The following PDE6D variants were observed in gnomAD, a reference collection of about 807,000 sequenced individuals.
PDE6D encodes the protein retinal rod rhodopsin-sensitive cGMP 3',5'-cyclic phosphodiesterase subunit delta.
In PDE6D, 10 loss-of-function variants were observed where a neutral mutation model predicts 21.9. The observed-to-expected ratio is 0.46, with a 90% confidence interval of 0.28 to 0.78. The LOEUF (loss-of-function observed/expected upper bound fraction) is 0.78, where lower values mean the gene tolerates loss of function less well. Ranked by LOEUF, PDE6D falls within the 30% of genes least tolerant of loss-of-function variation. The pLI is 0.12. For synonymous variants in PDE6D, 59 were observed against 63.5 expected (o/e 0.93, Z 0.34); for missense variants, 139 against 184.8 (o/e 0.75, Z 1.44).
chr2:231,762,501 T>C (rs2106279888), intron 1 of PDE6D, among the ~76,000 whole-genome samples: 1 of 152,104 alleles, frequency 6.6e-6, no homozygotes, highest in South Asian at 2.1e-4. Flanking sequence ...GGCACCACCA[T>C]GCCCAGCTAA....
At chr2:231,767,468 A>T (rs1433679450) in intron 1 of PDE6D, among the ~76,000 whole-genome samples, 2 of 151,946 alleles carry the variant, frequency 1.3e-5, no homozygotes, top group Non-Finnish European at 2.9e-5. Context: ...GGCGCCCGCC[A>T]CCACGCCTGG....
intron 1 of PDE6D, among the ~76,000 whole-genome samples, chr2:231,760,227 G>A (rs941508234): frequency 6.6e-6 from 1 of 152,152 alleles, no homozygotes; most frequent in African/African-American, 2.4e-5. Context: ...GAATTCTGTT[G>A]TCACATGATT....
At chr2:231,764,126 A>G (rs1478945373) in intron 1 of PDE6D, among the ~76,000 whole-genome samples, 3 of 152,160 alleles carry the variant, frequency 2.0e-5, no homozygotes, top group Non-Finnish European at 4.4e-5. Context: ...TGAGTGTTCA[A>G]TAAAAAATCT....
At chr2:231,737,014 G>A (rs1469404806) in intron 4 of PDE6D, among the ~76,000 whole-genome samples, 173 bp downstream of exon 4, 1 of 151,878 alleles carries the variant, frequency 6.6e-6, no homozygotes, top group Non-Finnish European at 1.5e-5. Flanking sequence ...CTATCATACT[G>A]TCTTTTTCAT....
intron 1 of PDE6D, among the ~76,000 whole-genome samples, chr2:231,767,310 G>A (rs1037101253): frequency 6.6e-6 from 1 of 152,040 alleles, no homozygotes; most frequent in Non-Finnish European, 1.5e-5. Flanking sequence ...CCATCAAACA[G>A]CATGCATTAT....
intron 1 of PDE6D, among the ~76,000 whole-genome samples, chr2:231,750,479 C>T (rs1293232537): frequency 7.3e-6 from 1 of 136,656 alleles, no homozygotes; most frequent in African/African-American, 2.6e-5. Context: ...TCATCCATAT[C>T]ACTTTTTTTT....
intron 1 of PDE6D, among the ~76,000 whole-genome samples, chr2:231,772,463 G>C (rs2049023075): frequency 6.6e-6 from 1 of 152,186 alleles, no homozygotes; most frequent in Admixed American, 6.5e-5. Context: ...AAGCAAAAAA[G>C]AATGCTGCTC....
At chr2:231,779,506 A>T (rs1316174279) in intron 1 of PDE6D, 3 of 152,250 alleles carry the variant, frequency 2.0e-5, no homozygotes, top group Non-Finnish European at 4.4e-5. Flanking sequence ...ACTGTCTACA[A>T]AGCATGTTAA....
intron 1 of PDE6D, among the ~76,000 whole-genome samples, chr2:231,778,426 T>C (rs762534311): frequency 2.0e-5 from 3 of 152,116 alleles, no homozygotes; most frequent in Middle Eastern, 3.4e-3. Flanking sequence ...AAATAAACAA[T>C]AGTAAAATGG....
rs1423970805 is a variant in PDE6D, at chr2:231,773,995, G to A, written c.50+7070C>T. ...GTTACCCAGGCTGGAGTGCACTGGC[G>A]TGATCTCGGCTCACTGCAACCTCCA... On this transcript the variant is annotated intron_variant, in intron 1 of 4. Coordinates refer to ENST00000287600, the MANE Select transcript of PDE6D (RefSeq NM_002601.4). Among the ~76,000 whole-genome samples, 8 of 152,148 alleles carry A rather than the reference G, an allele frequency of 5.3e-5. No individual in the cohort carries two copies. In the East Asian group the frequency reaches 7.7e-4, roughly 15 times the overall value.
At chr2:231,746,148 T>C (rs2048792077) in intron 1 of PDE6D, among the ~76,000 whole-genome samples, 1 of 152,160 alleles carries the variant, frequency 6.6e-6, no homozygotes, top group Non-Finnish European at 1.5e-5. Flanking sequence ...TATTTTACTT[T>C]ATTTTATTTT....
chr2:231,763,797 G>T, intron 1 of PDE6D, among the ~76,000 whole-genome samples: 1 of 151,370 alleles, frequency 6.6e-6, no homozygotes, highest in Non-Finnish European at 1.5e-5. Context: ...CACCATGCCT[G>T]GATAATTTTT....
At chr2:231,738,919 C>CAAAAAAAA (rs1157734125) in intron 2 of PDE6D, among the ~76,000 whole-genome samples, 181 bp downstream of exon 2, 1 of 62,644 alleles carries the variant, frequency 1.6e-5, no homozygotes, top group African/African-American at 7.2e-5. Context: ...GACTGTGTCT[C>CAAAAAAAA]AAAAAAAAAA....
At chr2:231,763,031 G>A (rs565893492) in intron 1 of PDE6D, among the ~76,000 whole-genome samples, 1 of 152,152 alleles carries the variant, frequency 6.6e-6, no homozygotes, top group Non-Finnish European at 1.5e-5. Flanking sequence ...GGTTCTAAGA[G>A]CAGTTGTTAA....
At chr2:231,752,444 G>C (rs137880941) in intron 1 of PDE6D, among the ~76,000 whole-genome samples, 1 of 152,296 alleles carries the variant, frequency 6.6e-6, no homozygotes, top group Non-Finnish European at 1.5e-5. Context: ...CACGATATAA[G>C]CAAGTGTAGG....
chr2:231,750,953 A>G lies in PDE6D; in HGVS notation c.51-11765T>C, dbSNP rs149973604. Among the ~76,000 whole-genome samples, 791 of 152,198 alleles carry G rather than the reference A, an allele frequency of 5.2e-3. 6 individuals carry two copies. The highest frequency in any genetic ancestry group is 0.018 in the African/African-American group (755 of 41,542). ...AATAACTTATTCACTCATCTCCTTC[A>G]AAATAGCTCATATGCAAGTTGACAC... On this transcript the variant is annotated intron_variant, in intron 1 of 4. Coordinates refer to ENST00000287600, the MANE Select transcript of PDE6D (RefSeq NM_002601.4).
intron 1 of PDE6D, among the ~76,000 whole-genome samples, chr2:231,757,071 A>G (rs1392391517): frequency 6.6e-6 from 1 of 150,448 alleles, no homozygotes. Flanking sequence ...TGATCCTCCC[A>G]CCTCAGCCTC....
chr2:231,737,940 G>C, intron 3 of PDE6D, 73 bp downstream of exon 3: 2 of 1,414,492 alleles, frequency 1.4e-6, no homozygotes, highest in Admixed American at 4.2e-5. Context: ...CACTGCTTTA[G>C]TTCACTGGGT....
chr2:231,770,954 A>C lies in PDE6D; in HGVS notation c.50+10111T>G, dbSNP rs553688170. ...GGTGACAAGAGTGAGACTTCATTTC[A>C]AAAAAAAAAAAACCCACAAAAATTA... On this transcript the variant is annotated intron_variant, in intron 1 of 4. Coordinates refer to ENST00000287600, the MANE Select transcript of PDE6D (RefSeq NM_002601.4). 4.7e-4 allele frequency among the ~76,000 whole-genome samples: 60 copies of C among 127,400 alleles called. No homozygotes were observed. The South Asian group carries it at 0.013, about 29-fold the overall frequency. 83.6% of individuals were successfully genotyped at this position (127,400 alleles called of 152,430 possible).
Sources: allele counts gnomAD v4.1 joint callset (sites outside exome capture counted in the v4.1 genomes callset), GRCh38; gene constraint gnomAD v4.1.1; transcripts MANE v1.5; gene names NCBI Gene and HGNC (gene_info 2026-07-23, HGNC 2026-07-21).